The following RSRC1 variants were observed in gnomAD, a reference collection of about 807,000 sequenced individuals.
RSRC1 encodes the protein serine/Arginine-related protein 53.
A neutral mutation model predicts 49.1 loss-of-function variants in RSRC1; 39 were observed. The observed-to-expected ratio is 0.79, with a 90% confidence interval of 0.61 to 1.04. The LOEUF is 1.04. Ranked by LOEUF, RSRC1 falls within the 50% of genes least tolerant of loss-of-function variation. The probability of loss-of-function intolerance (pLI) is 0.00; values close to 1 mark genes in which losing one functional copy is unlikely to be tolerated. For synonymous variants in RSRC1, 143 were observed against 130.8 expected, an observed-to-expected ratio of 1.09 and a Z score of -0.63; for missense variants, 388 against 402.4, an observed-to-expected ratio of 0.96 and a Z score of 0.31.
At chr3:158,157,930 A>C (rs1372783576) in intron 3 of RSRC1, among the ~76,000 whole-genome samples, 1 of 152,040 alleles carries the variant, frequency 6.6e-6, no homozygotes, top group Non-Finnish European at 1.5e-5. Context: ...AAAAAGAGCA[A>C]GTGACAGTCC....
Position 158,237,622 on chromosome 3 carries a change from A to G in RSRC1, c.494+34377A>G, listed in dbSNP as rs189219456. Among the ~76,000 whole-genome samples the G allele has an allele frequency of 2.4e-4, 36 of 152,280 alleles. No homozygotes were observed. In the East Asian group the frequency reaches 4.8e-3, roughly 20 times the overall value. On this transcript the variant is annotated intron_variant, in intron 4 of 9. Coordinates refer to ENST00000611884, the MANE Select transcript of RSRC1 (RefSeq NM_001271838.2). ...TTCAATGTGCTCATTGGCCATTTATATATTTTCCCTTGTATAATAATTGTT... is the reference window on the plus strand; with the variant it reads ...TTCAATGTGCTCATTGGCCATTTATGTATTTTCCCTTGTATAATAATTGTT...
intron 6 of RSRC1, among the ~76,000 whole-genome samples, chr3:158,408,030 G>C (rs1242711598): frequency 6.6e-6 from 1 of 152,074 alleles, no homozygotes; most frequent in Non-Finnish European, 1.5e-5. Flanking sequence ...TCTCTGGGTC[G>C]TAGCTTTCTT....
At chr3:158,302,097 T>C (rs1727585430) in intron 5 of RSRC1, among the ~76,000 whole-genome samples, 1 of 151,686 alleles carries the variant, frequency 6.6e-6, no homozygotes. Flanking sequence ...AAAATTACTG[T>C]GTGTATCATT....
chr3:158,340,635 C>T (rs1730184403), intron 5 of RSRC1, among the ~76,000 whole-genome samples: 1 of 152,160 alleles, frequency 6.6e-6, no homozygotes, highest in Admixed American at 6.5e-5. Context: ...AACTGTAAGA[C>T]CAATTAAACC....
At chr3:158,364,384 C>T (rs1402182150) in intron 6 of RSRC1, among the ~76,000 whole-genome samples, 2 of 152,070 alleles carry the variant, frequency 1.3e-5, no homozygotes, top group African/African-American at 2.4e-5. Context: ...GAGATTGAAA[C>T]GTTTATTTTT....
At chr3:158,327,769 T>G (rs948186429) in intron 5 of RSRC1, among the ~76,000 whole-genome samples, 4 of 152,186 alleles carry the variant, frequency 2.6e-5, no homozygotes, top group Non-Finnish European at 5.9e-5. Context: ...AGAGCTGAGT[T>G]CAATTCCTGG....
chr3:158,286,288 T>C (rs1340789544), intron 4 of RSRC1, among the ~76,000 whole-genome samples: 1 of 152,224 alleles, frequency 6.6e-6, no homozygotes, highest in Non-Finnish European at 1.5e-5. Flanking sequence ...TTTGGGAATT[T>C]AATTCAAGTT....
intron 7 of RSRC1, among the ~76,000 whole-genome samples, chr3:158,526,798 G>A (rs1290803109): frequency 1.3e-5 from 2 of 151,900 alleles, no homozygotes; most frequent in African/African-American, 2.4e-5. Context: ...ACTGACTAAT[G>A]TTCAAATACA....
chr3:158,363,269 C>CTTTTTTTTTTTTTTTTT (rs10635870), intron 6 of RSRC1, among the ~76,000 whole-genome samples: 1 of 141,448 alleles, frequency 7.1e-6, no homozygotes. Context: ...CTTTTTTTTT[C>CTTTTTTTTTTTTTTTTT]TTTTTTTTTT....
chr3:158,380,337 G>A (rs1732633644), intron 6 of RSRC1, among the ~76,000 whole-genome samples: 1 of 152,138 alleles, frequency 6.6e-6, no homozygotes, highest in Non-Finnish European at 1.5e-5. Flanking sequence ...GCATGAGCCT[G>A]TAGTCCCAGC....
chr3:158,275,698 A>G lies in RSRC1; in HGVS notation c.495-22341A>G, dbSNP rs917444455. 24 of 394,324 alleles carry G rather than the reference A, an allele frequency of 6.1e-5. 1 individual carries two copies. The Middle Eastern group carries it at 2.8e-3, about 46-fold the overall frequency. 24.4% of individuals were successfully genotyped at this position (394,324 alleles called of 1,614,324 possible). A position where few individuals can be genotyped will look rare whatever the true frequency, so the allele number is the denominator to read the frequency against. On this transcript the variant is annotated intron_variant, in intron 4 of 9. Coordinates refer to ENST00000611884, the MANE Select transcript of RSRC1 (RefSeq NM_001271838.2). ...ATTGCACTTTAACTTTCTTAATTTG[A>G]TATTCATGAAATAATCTGCAGACTA...
At chr3:158,191,066 G>C (rs73874322) in intron 3 of RSRC1, among the ~76,000 whole-genome samples, 11,645 of 151,892 alleles carry the variant, frequency 0.077, 541 homozygotes, top group South Asian at 0.13. Flanking sequence ...GAGACTACAG[G>C]CATCATTTAT....
At chr3:158,472,462 C>A (rs1738178672) in intron 7 of RSRC1, among the ~76,000 whole-genome samples, 1 of 152,010 alleles carries the variant, frequency 6.6e-6, no homozygotes. Flanking sequence ...TTGTCCATTT[C>A]CAAATTTTTT....
chr3:158,450,231 A>G (rs1225436842), intron 6 of RSRC1, among the ~76,000 whole-genome samples: 2 of 151,928 alleles, frequency 1.3e-5, no homozygotes, highest in Non-Finnish European at 2.9e-5. Context: ...GAGTGGACAA[A>G]TGAAGAAACT....
chr3:158,206,978 G>A (rs1315851834), intron 4 of RSRC1, among the ~76,000 whole-genome samples: 1 of 152,116 alleles, frequency 6.6e-6, no homozygotes, highest in Non-Finnish European at 1.5e-5. Flanking sequence ...ATTTTGCTAA[G>A]CATTTGACAT....
At position 158,272,695 on chromosome 3, in the gene RSRC1, A is replaced by G. The variant is rs1333563759; in HGVS notation, c.495-25344A>G. Among the ~76,000 whole-genome samples, 6 of 152,174 alleles carry G rather than the reference A, an allele frequency of 3.9e-5. No individual in the cohort carries two copies. In the East Asian group the frequency reaches 1.2e-3, roughly 29 times the overall value. On this transcript the variant is annotated intron_variant, in intron 4 of 9. Transcript: ENST00000611884. ...ATAGAAAATAGTTGCAAAACAGAAT[A>G]TTATAGTTAGTAAAAACTGAAACTT...
intron 4 of RSRC1, among the ~76,000 whole-genome samples, chr3:158,233,659 A>G (rs1288199075): frequency 2.6e-5 from 4 of 152,276 alleles, no homozygotes; most frequent in African/African-American, 9.6e-5. Flanking sequence ...ATTTGCTTCA[A>G]AGAATTCATG....
intron 6 of RSRC1, among the ~76,000 whole-genome samples, chr3:158,389,701 G>C (rs1183498908): frequency 6.6e-6 from 1 of 152,058 alleles, no homozygotes; most frequent in South Asian, 2.1e-4. Context: ...AGTTTTTTTT[G>C]TGTTTATGTA....
chr3:158,497,267 A>C (rs925565532), intron 7 of RSRC1, among the ~76,000 whole-genome samples: 1 of 125,940 alleles, frequency 7.9e-6, no homozygotes, highest in African/African-American at 3.1e-5. Flanking sequence ...TTTTTTTTCC[A>C]TAAGTTATTG....
Sources: gnomAD v4.1 joint callset for allele counts (sites outside exome capture counted in the v4.1 genomes callset) on GRCh38, gnomAD v4.1.1 for gene constraint, MANE v1.5 for transcripts, NCBI Gene and HGNC (gene_info 2026-07-23, HGNC 2026-07-21) for gene names.